The following OPRM1 variants were observed in gnomAD, a reference collection of about 807,000 sequenced individuals.
OPRM1 encodes mu-type opioid receptor.
OPRM1 carries 27 observed loss-of-function variants against 31.8 expected under a neutral mutation model. The observed-to-expected ratio is 0.85, with a 90% CI of 0.63 to 1.17. The LOEUF is 1.17. Among genes scored for constraint, OPRM1 ranks in the 50% most tolerant of loss-of-function variants. The probability of loss-of-function intolerance (pLI) is 0.00; values close to 1 mark genes in which losing one functional copy is unlikely to be tolerated. For synonymous variants in OPRM1, 196 were observed against 189.9 expected (o/e 1.03, Z -0.26); for missense variants, 536 against 511.1 (o/e 1.05, Z -0.47).
intron 3 of OPRM1, among the ~76,000 whole-genome samples, chr6:154,232,267 A>C (rs1779782514): frequency 6.6e-6 from 1 of 152,264 alleles, no homozygotes; most frequent in African/African-American, 2.4e-5. Flanking sequence ...CAAAAGAAAG[A>C]AAAAATGTCT....
At chr6:154,178,145 G>A (rs1378399379) in intron 3 of OPRM1, among the ~76,000 whole-genome samples, 1 of 151,708 alleles carries the variant, frequency 6.6e-6, no homozygotes, top group Non-Finnish European at 1.5e-5. Flanking sequence ...GTTGGTGGGT[G>A]GGGGGCTGGG....
At chr6:154,222,943 A>G (rs1778982313) in intron 3 of OPRM1, 1 of 567,490 alleles carries the variant, frequency 1.8e-6, no homozygotes, top group African/African-American at 1.9e-5. Context: ...GTCCATGCCA[A>G]GACTTCGTGG....
At chr6:154,041,235 A>C (rs936230481) in intron 1 of OPRM1, among the ~76,000 whole-genome samples, 2 of 152,204 alleles carry the variant, frequency 1.3e-5, no homozygotes, top group Non-Finnish European at 2.9e-5. Flanking sequence ...GATGAGGAAT[A>C]AGATAAGTAT....
Position 154,124,801 on chromosome 6 carries a change from C to T in OPRM1, c.*6080C>T, listed in dbSNP as rs1429802458. Among the ~76,000 whole-genome samples the T allele has an allele frequency of 6.6e-6, 1 of 152,176 alleles. No individual in the cohort carries two copies. The highest frequency in any genetic ancestry group is 1.5e-5 in the Non-Finnish European group (1 of 68,036). ...GGCAAGGAAAAAAGATGAAAGCTTA[C>T]TCATATTAACCATTCTACCATTGGA... is the stretch of plus-strand genomic sequence containing the variant. On this transcript the variant is annotated 3_prime_UTR_variant, in exon 4 of 4. Transcript: ENST00000330432.
intron 3 of OPRM1, chr6:154,108,098 A>G: frequency 1.6e-6 from 1 of 628,880 alleles, no homozygotes. Flanking sequence ...CCTTTCCCTG[A>G]GCGGCCCTAG....
intron 3 of OPRM1, among the ~76,000 whole-genome samples, chr6:154,243,107 G>A (rs1418332008): frequency 6.6e-6 from 1 of 152,198 alleles, no homozygotes; most frequent in Non-Finnish European, 1.5e-5. Context: ...GGCTTAGAGA[G>A]AGCCAGCCCA....
At chr6:154,147,209 T>C (rs1230432041) in intron 3 of OPRM1, among the ~76,000 whole-genome samples, 2 of 152,208 alleles carry the variant, frequency 1.3e-5, no homozygotes. Context: ...TCCATCTGCC[T>C]GGATAAGAGG....
intron 1 of OPRM1, among the ~76,000 whole-genome samples, chr6:154,063,264 T>G (rs989612841): frequency 1.3e-5 from 2 of 152,130 alleles, no homozygotes; most frequent in Middle Eastern, 6.8e-3. Flanking sequence ...AGAATTTTTG[T>G]GAACATCAGT....
chr6:154,243,797 T>C (rs1449161917), intron 3 of OPRM1, among the ~76,000 whole-genome samples: 2 of 152,330 alleles, frequency 1.3e-5, no homozygotes, highest in East Asian at 1.9e-4. Context: ...TTTACTCCCA[T>C]GTGACTTGGG....
intron 1 of OPRM1, among the ~76,000 whole-genome samples, chr6:154,077,667 G>A (rs943048318): frequency 3.3e-5 from 5 of 151,866 alleles, no homozygotes; most frequent in East Asian, 4.0e-4. Context: ...CGAGGCGGAG[G>A]TTGCAGTGAC....
intron 3 of OPRM1, among the ~76,000 whole-genome samples, chr6:154,243,188 A>T (rs1463044417): frequency 1.3e-5 from 2 of 152,296 alleles, no homozygotes; most frequent in East Asian, 3.9e-4. Flanking sequence ...GAAATAAGAA[A>T]GGTTACCAGT....
At chr6:154,085,059 C>G (rs959954178) in intron 1 of OPRM1, among the ~76,000 whole-genome samples, 5 of 152,062 alleles carry the variant, frequency 3.3e-5, no homozygotes, top group African/African-American at 1.2e-4. Flanking sequence ...CAAAACTAAA[C>G]AGAAGTTTAC....
chr6:154,203,521 G>A (rs79882833), intron 3 of OPRM1, among the ~76,000 whole-genome samples: 1,973 of 152,222 alleles, frequency 0.013, 41 homozygotes, highest in African/African-American at 0.045. Context: ...TGAAGACAGC[G>A]TTTGTGGGAT....
At chr6:154,093,618 T>G in intron 3 of OPRM1, 558 of 1,094,618 alleles carry the variant, frequency 5.1e-4, no homozygotes, top group Non-Finnish European at 6.4e-4. Context: ...AATTAGGCCT[T>G]ATCTTCATCG....
In OPRM1 at chr6:154,122,082, T is replaced by C. The variant is rs151169846; in HGVS notation, c.*3361T>C. 0.013 allele frequency among the ~76,000 whole-genome samples: 1,967 copies of C among 152,292 alleles called. 41 individuals are homozygous for C. Among genetic ancestry groups the C allele is most frequent in the African/African-American group, 0.045 (1,887 of 41,554 alleles). On this transcript the variant is annotated 3_prime_UTR_variant, in exon 4 of 4. Transcript: ENST00000330432. ...CTATCCGTTGTGGTTTTACAAATTC[T>C]AGAGGGTTCTAGCCAAAGCAACCTA...
intron 3 of OPRM1, chr6:154,093,182 T>C: frequency 8.6e-7 from 1 of 1,166,846 alleles, no homozygotes; most frequent in Non-Finnish European, 1.2e-6. Context: ...AGTCCTCAGC[T>C]AAGGATAAAA....
At chr6:154,229,730 A>G (rs141070289) in intron 3 of OPRM1, among the ~76,000 whole-genome samples, 1 of 152,306 alleles carries the variant, frequency 6.6e-6, no homozygotes, top group African/African-American at 2.4e-5. Context: ...GTGTCTACCC[A>G]AGAGGAATGG....
intron 3 of OPRM1, among the ~76,000 whole-genome samples, chr6:154,092,612 C>T (rs1468711854): frequency 6.6e-6 from 1 of 152,188 alleles, no homozygotes; most frequent in Non-Finnish European, 1.5e-5. Context: ...GCAGTGGCTT[C>T]CTCCTGCTGT....
rs1797789389 is a variant in OPRM1, at chr6:154,129,852, G to A, written c.*11131G>A. Among the ~76,000 whole-genome samples the A allele has an allele frequency of 7.6e-6, 1 of 131,488 alleles. No homozygotes were observed. The highest frequency in any genetic ancestry group is 1.6e-5 in the Non-Finnish European group (1 of 60,640). The allele number at this position is 131,488 out of a possible 152,430, so 86.3% of individuals were successfully genotyped here. A position where few individuals can be genotyped will look rare whatever the true frequency, so the allele number is the denominator to read the frequency against. On this transcript the variant is annotated 3_prime_UTR_variant, in exon 4 of 4. Coordinates refer to ENST00000330432, the MANE Select transcript of OPRM1 (RefSeq NM_000914.5). ...TTACCACCGACACCCTCCCCCCCCA[G>A]CACACACACACACACACACACACAC...
Sources: allele counts gnomAD v4.1 joint callset (sites outside exome capture counted in the v4.1 genomes callset), GRCh38; gene constraint gnomAD v4.1.1; transcripts MANE v1.5; gene names NCBI Gene and HGNC (gene_info 2026-07-23, HGNC 2026-07-21).